KLHL32: variants seen among roughly 807,000 people sequenced by gnomAD.
KLHL32 encodes the protein kelch like family member 32, also known as kelch-like protein 32.
In KLHL32, 35 loss-of-function variants were observed where a neutral mutation model predicts 64.8. The observed-to-expected ratio is 0.54, with a 90% CI of 0.41 to 0.72. The LOEUF (loss-of-function observed/expected upper bound fraction) is 0.72, where lower values mean the gene tolerates loss of function less well. Ranked by LOEUF, KLHL32 falls within the 30% of genes least tolerant of loss-of-function variation. The pLI is 0.00. For missense variants in KLHL32, 589 were observed against 768.5 expected (o/e 0.77, Z 2.76); for synonymous variants, 259 against 281.0 (o/e 0.92, Z 0.78).
chr6:97,016,890 C>A (rs1181268773), intron 3 of KLHL32, among the ~76,000 whole-genome samples: 1 of 152,122 alleles, frequency 6.6e-6, no homozygotes, highest in African/African-American at 2.4e-5. Context: ...TTATAAGAGG[C>A]CCTATCCCCT....
chr6:97,002,648 C>G (rs1484162555), intron 3 of KLHL32, among the ~76,000 whole-genome samples: 1 of 152,086 alleles, frequency 6.6e-6, no homozygotes, highest in Non-Finnish European at 1.5e-5. Context: ...CAAGTAGGCC[C>G]CACTGTCTAT....
intron 3 of KLHL32, among the ~76,000 whole-genome samples, chr6:97,007,291 G>A (rs893344821): frequency 1.4e-4 from 22 of 152,244 alleles, no homozygotes; most frequent in African/African-American, 5.1e-4. Context: ...TCTGCCGTTA[G>A]TACTTAGGAT....
chr6:97,004,956 G>T (rs1235043045), intron 3 of KLHL32, among the ~76,000 whole-genome samples: 4 of 151,170 alleles, frequency 2.6e-5, no homozygotes, highest in African/African-American at 9.7e-5. Flanking sequence ...TTTTGTTATG[G>T]GTCTGCTAGG....
At chr6:96,976,329 G>C (rs1582547199) in intron 3 of KLHL32, 152 bp downstream of exon 3, 1 of 620,934 alleles carries the variant, frequency 1.6e-6, no homozygotes, top group East Asian at 3.2e-5. Context: ...ATGCTTCCTG[G>C]GGCCCCATTG....
chr6:97,084,649 A>T (rs1341686854), intron 5 of KLHL32, among the ~76,000 whole-genome samples: 3 of 152,134 alleles, frequency 2.0e-5, no homozygotes. Flanking sequence ...TGACTTAAAG[A>T]CCTACTTAGT....
Position 97,057,340 on chromosome 6 carries a change from T to C in KLHL32, c.313-7288T>C, listed in dbSNP as rs1316572593. ...CTGGGACTACAGGCACGCGCCACCA[T>C]GCCCGGCTAATTTTTGTATTTTTAG... On this transcript the variant is annotated intron_variant, in intron 4 of 10. Transcript: ENST00000369261. 9.4e-5 allele frequency among the ~76,000 whole-genome samples: 12 copies of C among 127,748 alleles called. 1 individual carries two copies. Among genetic ancestry groups the C allele is most frequent in the Non-Finnish European group, 1.1e-4 (7 of 63,792 alleles). 83.8% of individuals were successfully genotyped at this position (127,748 alleles called of 152,430 possible).
intron 3 of KLHL32, among the ~76,000 whole-genome samples, chr6:96,991,457 A>G (rs1777867133): frequency 6.6e-6 from 1 of 152,042 alleles, no homozygotes; most frequent in Non-Finnish European, 1.5e-5. Flanking sequence ...GGTGGTACCC[A>G]TCGCAGCTGT....
chr6:96,918,287 A>G, the KLHL32 span, among the ~76,000 whole-genome samples: 1 of 152,144 alleles, frequency 6.6e-6, no homozygotes, highest in Non-Finnish European at 1.5e-5. Flanking sequence ...AAATTTGGGG[A>G]ATTCAGGGAT....
chr6:97,007,503 G>A (rs1432682932), intron 3 of KLHL32, among the ~76,000 whole-genome samples: 1 of 152,132 alleles, frequency 6.6e-6, no homozygotes, highest in Admixed American at 6.5e-5. Flanking sequence ...ATTTCAGCCT[G>A]GTTAAGAACC....
intron 1 of KLHL32, among the ~76,000 whole-genome samples, chr6:96,962,298 A>G (rs1486650058): frequency 2.0e-5 from 3 of 152,256 alleles, no homozygotes; most frequent in African/African-American, 4.8e-5. Flanking sequence ...ATTATATTTG[A>G]AAAGAGACTT....
intron 5 of KLHL32, among the ~76,000 whole-genome samples, chr6:97,071,108 T>C (rs1273345286): frequency 1.3e-5 from 2 of 152,126 alleles, no homozygotes; most frequent in African/African-American, 4.8e-5. Flanking sequence ...CTCTTCTTCA[T>C]CTCTCATTAC....
intron 3 of KLHL32, among the ~76,000 whole-genome samples, chr6:96,978,075 C>T (rs926319226): frequency 3.9e-5 from 6 of 151,924 alleles, no homozygotes; most frequent in South Asian, 2.1e-4. Context: ...TTTAATGGAC[C>T]GTAATATAGC....
chr6:96,930,963 C>T (rs567885570), intron 1 of KLHL32, among the ~76,000 whole-genome samples: 1 of 152,272 alleles, frequency 6.6e-6, no homozygotes, highest in East Asian at 1.9e-4. Context: ...TTAATAGTGG[C>T]AGCATCAAGT....
intron 3 of KLHL32, 105 bp from the exon 4 acceptor site, chr6:97,041,387 T>G: frequency 1.4e-6 from 1 of 691,754 alleles, no homozygotes; most frequent in South Asian, 1.7e-5. Context: ...TCAAAATCAA[T>G]TATTAATTTG....
chr6:97,137,800 G>C (rs1800205624), intron 10 of KLHL32, among the ~76,000 whole-genome samples: 1 of 152,158 alleles, frequency 6.6e-6, no homozygotes. Context: ...CCGAAGTCCT[G>C]AGATTACAGG....
chr6:96,929,609 C>T (rs1192423204), intron 1 of KLHL32, among the ~76,000 whole-genome samples: 1 of 152,138 alleles, frequency 6.6e-6, no homozygotes, highest in East Asian at 1.9e-4. Context: ...ATTCCCAGGC[C>T]CTTCTTGTCA....
At chr6:97,065,261 A>T (rs946125998) in intron 5 of KLHL32, among the ~76,000 whole-genome samples, 31 of 152,160 alleles carry the variant, frequency 2.0e-4, no homozygotes, top group Non-Finnish European at 4.1e-4. Flanking sequence ...CATGAGAAGG[A>T]GGGAGAGAAA....
chr6:97,098,250 A>G (rs1237870436), intron 6 of KLHL32, among the ~76,000 whole-genome samples: 1 of 152,314 alleles, frequency 6.6e-6, no homozygotes, highest in East Asian at 1.9e-4. Flanking sequence ...AAATAGAGGA[A>G]AAGAAAAAAT....
chr6:97,063,402 A>G (rs1255541827), intron 4 of KLHL32, among the ~76,000 whole-genome samples: 1 of 152,224 alleles, frequency 6.6e-6, no homozygotes, highest in Non-Finnish European at 1.5e-5. Context: ...ATAGTGATGC[A>G]GGAACAAGAG....
Sources: gnomAD v4.1 joint callset for allele counts (sites outside exome capture counted in the v4.1 genomes callset) on GRCh38, gnomAD v4.1.1 for gene constraint, MANE v1.5 for transcripts, NCBI Gene and HGNC (gene_info 2026-07-23, HGNC 2026-07-21) for gene names.